Variants in DHTKD1 observed in about 807,000 individuals in gnomAD.
The protein encoded by DHTKD1 is 2-oxoadipate dehydrogenase complex component E1.
DHTKD1 carries 78 observed loss-of-function variants against 101.8 expected under a neutral mutation model. The ratio of observed to expected loss-of-function variants is 0.77; its 90% CI spans 0.64 to 0.93. DHTKD1 has a LOEUF of 0.93. DHTKD1 is among the 40% of genes least tolerant of loss of function. The probability of loss-of-function intolerance (pLI) is 0.00; values close to 1 mark genes in which losing one functional copy is unlikely to be tolerated. For missense variants in DHTKD1, 1,223 were observed against 1,161.7 expected, an observed-to-expected ratio of 1.05 and a Z score of -0.77; for synonymous variants, 462 against 450.3, an observed-to-expected ratio of 1.03 and a Z score of -0.33.
rs1832818195 is a variant in DHTKD1 at position 12,081,517 on chromosome 10, G to T, written c.200G>T (p.Gly67Val). ...TTGGTGACAGTATATTGTGAGCATGGTCATAAAGCTGCCAAAATCAACCCC... is the reference window on the plus strand; with the variant it reads ...TTGGTGACAGTATATTGTGAGCATGTTCATAAAGCTGCCAAAATCAACCCC... ...ARLVTVYCEHGHKAAKINPLF... is the reference protein window; with the variant it reads ...ARLVTVYCEHVHKAAKINPLF... Residue 67 changes from glycine to valine, a missense_variant, in exon 2 of 17, where the codon GGT becomes GTT. Coordinates refer to ENST00000263035, the MANE Select transcript of DHTKD1 (RefSeq NM_018706.7). 1.9e-6 allele frequency: 3 copies of T among 1,614,056 alleles called. No individual in the cohort carries two copies. Among genetic ancestry groups the T allele is most frequent in the Non-Finnish European group, 2.5e-6 (3 of 1,179,998 alleles).
chr10:12,089,669 T>C (rs1471715137), intron 5 of DHTKD1, among the ~76,000 whole-genome samples: 1 of 152,122 alleles, frequency 6.6e-6, no homozygotes, highest in African/African-American at 2.4e-5. Context: ...TTATCTTTTC[T>C]TTTTTATGGC....
chr10:12,089,015 TG>T lies in DHTKD1; in HGVS notation c.748del (p.Glu250AsnfsTer16), dbSNP rs1564391327. On this transcript the variant is annotated frameshift_variant, in exon 5 of 17. Transcript: ENST00000263035. LOFTEE classifies it high-confidence loss of function. Reference protein sequence around the residue: ...LMFRKMRGLSEFPENFSATGD... With the variant: ...LMFRKMRGLSXFPENFSATGD... ...TGTTCCGTAAAATGCGAGGCTTAAG[TG>T]AATTTCCAGAGAATTTCTCAGCCAC... 1 of 1,614,116 alleles carries T rather than the reference TG, an allele frequency of 6.2e-7. No individual in the cohort carries two copies. Among genetic ancestry groups the T allele is most frequent in the Admixed American group, 1.7e-5 (1 of 60,004 alleles).
intron 3 of DHTKD1, among the ~76,000 whole-genome samples, chr10:12,086,149 T>C (rs1483878433): frequency 6.6e-6 from 1 of 150,990 alleles, no homozygotes. Context: ...ATTACAGGCG[T>C]GAGCCACCAC....
chr10:12,073,938 A>G (rs1014194649), intron 1 of DHTKD1, among the ~76,000 whole-genome samples: 7 of 152,192 alleles, frequency 4.6e-5, no homozygotes, highest in African/African-American at 1.7e-4. Flanking sequence ...TCTGAGCCAG[A>G]AGCATGCCTC....
chr10:12,078,428 A>C (rs570405168), intron 1 of DHTKD1, among the ~76,000 whole-genome samples: 1 of 151,684 alleles, frequency 6.6e-6, no homozygotes, highest in South Asian at 2.1e-4. Flanking sequence ...CCACCTCAGA[A>C]AAAAAAAACA....
intron 1 of DHTKD1, among the ~76,000 whole-genome samples, 179 bp downstream of exon 1, chr10:12,069,366 A>G (rs1205288334): frequency 1.3e-5 from 2 of 152,244 alleles, no homozygotes; most frequent in East Asian, 3.9e-4. Flanking sequence ...TGTTGGGGTC[A>G]TCCCCCGTCC....
chr10:12,116,550 C>G (rs1588619554), intron 13 of DHTKD1, among the ~76,000 whole-genome samples: 1 of 152,018 alleles, frequency 6.6e-6, no homozygotes, highest in East Asian at 1.9e-4. Context: ...ACCACCACGC[C>G]CAGCTAACTT....
chr10:12,119,470 G>T (rs1564400427), intron 15 of DHTKD1, among the ~76,000 whole-genome samples: 1 of 150,722 alleles, frequency 6.6e-6, no homozygotes, highest in Non-Finnish European at 1.5e-5. Context: ...AAAAAAATTA[G>T]CCGGGCGTGG....
intron 15 of DHTKD1, among the ~76,000 whole-genome samples, chr10:12,119,844 C>T (rs189097736): frequency 3.0e-4 from 45 of 152,204 alleles, no homozygotes; most frequent in African/African-American, 1.1e-3. Context: ...AAAGAAAATG[C>T]ATTGAATACA....
At chr10:12,108,193 A>T (rs1833279259) in intron 12 of DHTKD1, among the ~76,000 whole-genome samples, 178 bp downstream of exon 12, 1 of 152,160 alleles carries the variant, frequency 6.6e-6, no homozygotes, top group African/African-American at 2.4e-5. Context: ...TAATTGTATC[A>T]CGGTTTTATG....
At chr10:12,077,625 C>A (rs1832754019) in intron 1 of DHTKD1, among the ~76,000 whole-genome samples, 1 of 152,096 alleles carries the variant, frequency 6.6e-6, no homozygotes, top group South Asian at 2.1e-4. Context: ...GAGTTAATGC[C>A]ATTGCTTGTT....
chr10:12,088,922 A>C, intron 4 of DHTKD1, 64 bp from the exon 5 acceptor site: 1 of 1,438,066 alleles, frequency 7.0e-7, no homozygotes, highest in Non-Finnish European at 9.6e-7. Flanking sequence ...TCAACTCAGC[A>C]CTTCTTCCCT....
At position 12,120,185 on chromosome 10, in the gene DHTKD1, A is replaced by G. The variant is rs991989348; in HGVS notation, c.2576A>G (p.His859Arg). ...GAAAGAATTTCTTCTCTCATAGATC[A>G]TATTTGGAGTCAGGAGGAACCTCAG... The part of the protein sequence containing the change: ...EMSKYKHVKD[H>R]IWSQEEPQNM... The change falls in exon 16 of 17, where the codon CAT (histidine) becomes CGT (arginine). Residue 859 changes from histidine (H) to arginine (R), a missense_variant. Physicochemically the swap from His to Arg is conservative, Grantham distance 29. Transcript: ENST00000263035. 7 of 1,613,046 alleles carry G rather than the reference A, an allele frequency of 4.3e-6. No individual in the cohort carries two copies. Among genetic ancestry groups the G allele is most frequent in the African/African-American group, 2.7e-5 (2 of 74,856 alleles).
intron 10 of DHTKD1, among the ~76,000 whole-genome samples, chr10:12,101,962 G>T (rs1240280055): frequency 1.3e-5 from 2 of 152,142 alleles, no homozygotes; most frequent in African/African-American, 2.4e-5. Context: ...CTTAAGGATA[G>T]TAGTGGAGTC....
At chr10:12,069,216 CG>C in intron 1 of DHTKD1, 29 bp downstream of exon 1, 1 of 1,247,334 alleles carries the variant, frequency 8.0e-7, no homozygotes. Flanking sequence ...GCGGTGGGAG[CG>C]GGGGCTGGGA....
intron 2 of DHTKD1, among the ~76,000 whole-genome samples, chr10:12,083,197 C>A (rs1019576315): frequency 2.6e-5 from 4 of 151,452 alleles, no homozygotes; most frequent in African/African-American, 9.7e-5. Context: ...GGTGTCCAAT[C>A]TTTTGGCTTC....
intron 10 of DHTKD1, among the ~76,000 whole-genome samples, chr10:12,104,477 C>T (rs1833215576): frequency 6.6e-6 from 1 of 152,124 alleles, no homozygotes; most frequent in East Asian, 1.9e-4. Flanking sequence ...CTCTGCCCGT[C>T]CTTCCTTTTT....
chr10:12,085,618 C>T (rs2131355813), intron 3 of DHTKD1, among the ~76,000 whole-genome samples: 2 of 152,278 alleles, frequency 1.3e-5, no homozygotes, highest in African/African-American at 4.8e-5. Context: ...GTGGCTCGCG[C>T]CTGTCATCCC....
At chr10:12,108,153 A>G in intron 12 of DHTKD1, 138 bp downstream of exon 12, 1 of 593,676 alleles carries the variant, frequency 1.7e-6, no homozygotes, top group East Asian at 3.1e-5. Flanking sequence ...TGCAATGTCA[A>G]TTTTCTTTGG....
Sources: allele counts gnomAD v4.1 joint callset (sites outside exome capture counted in the v4.1 genomes callset), GRCh38; gene constraint gnomAD v4.1.1; transcripts MANE v1.5; gene names NCBI Gene and HGNC (gene_info 2026-07-23, HGNC 2026-07-21).